The following LRFN1 variants were observed in gnomAD, a reference collection of about 807,000 sequenced individuals.
LRFN1 encodes leucine-rich repeat and fibronectin type III domain-containing protein 1.
Under a neutral mutation model 31.8 loss-of-function variants are expected in LRFN1, and 20 were observed. The observed-to-expected ratio is 0.63, with a 90% CI of 0.44 to 0.91. LRFN1 has a LOEUF of 0.91. Ranked by LOEUF, LRFN1 falls within the 40% of genes least tolerant of loss-of-function variation. The pLI is 0.00. For missense variants in LRFN1, 912 were observed against 1,129.8 expected, an observed-to-expected ratio of 0.81 and a Z score of 2.76; for synonymous variants, 514 against 541.3, an observed-to-expected ratio of 0.95 and a Z score of 0.70.
intron 4 of LRFN1, among the ~76,000 whole-genome samples, chr19:39,310,603 C>T (rs1358486375): frequency 6.6e-6 from 1 of 152,180 alleles, no homozygotes; most frequent in East Asian, 1.9e-4. Context: ...CATTGATTGG[C>T]ATGGCCAGGA....
In LRFN1 at chr19:39,315,349, A is replaced by G; in HGVS notation, c.-13T>C. The stretch of plus-strand genomic sequence containing the variant: ...GTCCTGGAGCCATGGTGCAGTGGGA[A>G]GGCAGGAGGGGTGGGAGGTGAGACC... On this transcript the variant is annotated 5_prime_UTR_variant, in exon 4 of 5. Transcript: ENST00000248668. The surrounding 1 kb of genome is among the most constrained non-coding windows in gnomAD (Gnocchi z 4.7). 1 of 1,443,322 alleles carries G rather than the reference A, an allele frequency of 6.9e-7. No individual in the cohort carries two copies. Among genetic ancestry groups the G allele is most frequent in the Non-Finnish European group, 9.1e-7 (1 of 1,101,426 alleles). 89.4% of individuals were successfully genotyped at this position (1,443,322 alleles called of 1,614,324 possible). A position where few individuals can be genotyped will look rare whatever the true frequency, so the allele number is the denominator to read the frequency against.
intron 2 of LRFN1, 112 bp downstream of exon 2, chr19:39,318,214 T>A (rs1002210406): frequency 6.6e-6 from 1 of 152,348 alleles, no homozygotes; most frequent in African/African-American, 2.4e-5. Context: ...GAAACTGTCA[T>A]CCCCTGAACT....
At position 39,309,490 on chromosome 19, in the gene LRFN1, A is replaced by C. The variant is rs1052492723; in HGVS notation, c.1407-948T>G. Reference sequence around the variant, plus strand: ...AAAACAAACAAACCAAAAAAAAAAAAAAAAAAAAAAAAAAAAACCATCTAG... The same window carrying C: ...AAAACAAACAAACCAAAAAAAAAAACAAAAAAAAAAAAAAAAACCATCTAG... On this transcript the variant is annotated intron_variant, in intron 4 of 4. Coordinates refer to ENST00000248668, the MANE Select transcript of LRFN1 (RefSeq NM_020862.2). 1.1e-3 allele frequency among the ~76,000 whole-genome samples: 154 copies of C among 137,312 alleles called. 4 individuals are homozygous for C. The highest frequency in any genetic ancestry group is 3.8e-3 in the African/African-American group (147 of 38,306). The allele number at this position is 137,312 out of a possible 152,430, so 90.1% of individuals were successfully genotyped here. A position where few individuals can be genotyped will look rare whatever the true frequency, so the allele number is the denominator to read the frequency against.
Position 39,315,891 on chromosome 19 carries a change from C to T in LRFN1, c.-38+191G>A, listed in dbSNP as rs1368933992. ...CCCCTGTCCCTACTTGCGTGTCCCACCCTCACCTCTGCCCCTCCTGTAGTA... is the reference window on the plus strand; with the variant it reads ...CCCCTGTCCCTACTTGCGTGTCCCATCCTCACCTCTGCCCCTCCTGTAGTA... On this transcript the variant is annotated intron_variant, in intron 3 of 4. Transcript: ENST00000248668. The surrounding 1 kb of genome is among the most constrained non-coding windows in gnomAD (Gnocchi z 4.7). Among the ~76,000 whole-genome samples the T allele has an allele frequency of 6.6e-6, 1 of 152,182 alleles. No individual in the cohort carries two copies. Among genetic ancestry groups the T allele is most frequent in the South Asian group, 2.1e-4 (1 of 4,830 alleles).
In LRFN1 at chr19:39,314,445, G is replaced by C. The variant is rs1490527150; in HGVS notation, c.892C>G (p.Pro298Ala). Residue 298 changes from proline (P) to alanine (A), a missense_variant, in exon 4 of 5, where the codon CCC becomes GCC. Transcript: ENST00000248668. Reference protein sequence around the residue: ...SIPEEEFLCEPPLITRQAGGR... With the variant: ...SIPEEEFLCEAPLITRQAGGR... ...CCCGCCTGCCGTGTGATCAGCGGGGGCTCACACAGGAACTCCTCCTCGGGG... is the reference window on the plus strand; with the variant it reads ...CCCGCCTGCCGTGTGATCAGCGGGGCCTCACACAGGAACTCCTCCTCGGGG... 2 of 1,609,376 alleles carry C rather than the reference G, an allele frequency of 1.2e-6. No individual in the cohort carries two copies. The highest frequency in any genetic ancestry group is 1.7e-6 in the Non-Finnish European group (2 of 1,178,920).
At position 39,315,689 on chromosome 19, in the gene LRFN1, G is replaced by C. The variant is rs574012116; in HGVS notation, c.-37-316C>G. Among the ~76,000 whole-genome samples the C allele has an allele frequency of 7.6e-4, 115 of 152,100 alleles. No homozygotes were observed. Among genetic ancestry groups the C allele is most frequent in the African/African-American group, 2.5e-3 (102 of 41,476 alleles). On this transcript the variant is annotated intron_variant, in intron 3 of 4. Coordinates refer to ENST00000248668, the MANE Select transcript of LRFN1 (RefSeq NM_020862.2). The surrounding 1 kb of genome is among the most constrained non-coding windows in gnomAD (Gnocchi z 4.7). The stretch of plus-strand genomic sequence containing the variant: ...CAAAAATTAGCTGGGCATGGTGGTG[G>C]GCGCCTGTAATCCCAGCTACTTGGG...
At chr19:39,309,478 C>CA (rs71169583) in intron 4 of LRFN1, among the ~76,000 whole-genome samples, 1,326 of 31,918 alleles carry the variant, frequency 0.042, 21 homozygotes, top group Non-Finnish European at 0.055. Context: ...ACAAACAAAC[C>CA]AAAAAAAAAA....
chr19:39,319,857 G>A (rs1399149547), intron 1 of LRFN1, among the ~76,000 whole-genome samples: 1 of 152,184 alleles, frequency 6.6e-6, no homozygotes, highest in Non-Finnish European at 1.5e-5. Context: ...GGATTTGGGG[G>A]TTTGAGTCCT....
Position 39,308,468 on chromosome 19 carries a change from A to G in LRFN1, c.1481T>C (p.Leu494Pro). Residue 494 changes from leucine (L) to proline (P), a missense_variant, in exon 5 of 5, where the codon CTG (leucine) becomes CCG (proline). Physicochemically the swap from Leu to Pro is moderately conservative, Grantham distance 98 (BLOSUM62 -3). Coordinates refer to ENST00000248668, the MANE Select transcript of LRFN1 (RefSeq NM_020862.2). This position sits in a 1 kb window ranked among gnomAD's most constrained non-coding sequence, Gnocchi z 6.2. Reference sequence around the variant, plus strand: ...TGTGGCCCCGTCGTCGTAGACCGCCAGCACGCACAAGTCGTAGGCACGGCC... The same window carrying G: ...TGTGGCCCCGTCGTCGTAGACCGCCGGCACGCACAAGTCGTAGGCACGGCC... ...AAGRAYDLCV[L>P]AVYDDGATAL... 1.2e-6 allele frequency: 2 copies of G among 1,607,852 alleles called. No individual in the cohort carries two copies. The highest frequency in any genetic ancestry group is 1.7e-6 in the Non-Finnish European group (2 of 1,179,614).
chr19:39,307,626 C>T lies in LRFN1; in HGVS notation c.*7G>A. ...GGCACCCAGGCGTCCCGGCGCCCGC[C>T]CGCCGCTCACACGGTACTCTCCAGC... On this transcript the variant is annotated 3_prime_UTR_variant, in exon 5 of 5. Coordinates refer to ENST00000248668, the MANE Select transcript of LRFN1 (RefSeq NM_020862.2). This position sits in a 1 kb window ranked among gnomAD's most constrained non-coding sequence, Gnocchi z 6.7. The T allele has an allele frequency of 7.2e-7, 1 of 1,391,346 alleles. No homozygotes were observed. The highest frequency in any genetic ancestry group is 1.6e-5 in the South Asian group (1 of 62,652). The allele number at this position is 1,391,346 out of a possible 1,614,324, so 86.2% of individuals were successfully genotyped here. A position where few individuals can be genotyped will look rare whatever the true frequency, so the allele number is the denominator to read the frequency against.
chr19:39,307,285 C>T lies in LRFN1; in HGVS notation c.*348G>A, dbSNP rs1374004803. On this transcript the variant is annotated 3_prime_UTR_variant, in exon 5 of 5. Coordinates refer to ENST00000248668, the MANE Select transcript of LRFN1 (RefSeq NM_020862.2). The surrounding 1 kb of genome is among the most constrained non-coding windows in gnomAD (Gnocchi z 6.7). ...GGGTGACGGGCTGGGGGAGGGGGCTCGTGTCTCAGTGCTGCAGTGTCAGGG... is the reference window on the plus strand; with the variant it reads ...GGGTGACGGGCTGGGGGAGGGGGCTTGTGTCTCAGTGCTGCAGTGTCAGGG... 7.5e-6 allele frequency: 3 copies of T among 398,440 alleles called. No individual in the cohort carries two copies. Among genetic ancestry groups the T allele is most frequent in the Non-Finnish European group, 1.3e-5 (3 of 225,998 alleles). The allele number at this position is 398,440 out of a possible 1,614,324, so 24.7% of individuals were successfully genotyped here.
rs2075134073 is a variant in LRFN1 at position 39,307,703 on chromosome 19, A to G, written c.2246T>C (p.Leu749Pro). 6.6e-7 allele frequency: 1 copy of G among 1,514,276 alleles called. No homozygotes were observed. Among genetic ancestry groups the G allele is most frequent in the Non-Finnish European group, 8.8e-7 (1 of 1,141,340 alleles). 93.8% of individuals were successfully genotyped at this position (1,514,276 alleles called of 1,614,324 possible). A position where few individuals can be genotyped will look rare whatever the true frequency, so the allele number is the denominator to read the frequency against. The change falls in exon 5 of 5, where the codon CTG becomes CCG. Residue 749 changes from leucine to proline, a missense_variant. Physicochemically the swap from Leu to Pro is moderately conservative, Grantham distance 98. Coordinates refer to ENST00000248668, the MANE Select transcript of LRFN1 (RefSeq NM_020862.2). This position sits in a 1 kb window ranked among gnomAD's most constrained non-coding sequence, Gnocchi z 6.7. ...GCACGCCCTGGCGGAGCCCAGCCCC[A>G]GGTCTCCATCCTCCCCGGCCGCGCC... ...GGGAAGEDGDLGLGSARACLA... is the reference protein window; with the variant it reads ...GGGAAGEDGDPGLGSARACLA...
At position 39,308,606 on chromosome 19, in the gene LRFN1, C is replaced by T. The variant is rs2075139609; in HGVS notation, c.1407-64G>A. ...CCGAACCACGCCCCTTCGCTTTATG[C>T]CCCGCCCATGGTGAACAGTGGGGAC... On this transcript the variant is annotated intron_variant, in intron 4 of 4. Transcript: ENST00000248668. The surrounding 1 kb of genome is among the most constrained non-coding windows in gnomAD (Gnocchi z 6.2). The T allele has an allele frequency of 1.4e-6, 2 of 1,406,804 alleles. No individual in the cohort carries two copies. Among genetic ancestry groups the T allele is most frequent in the South Asian group, 1.4e-5 (1 of 71,640 alleles). 87.1% of individuals were successfully genotyped at this position (1,406,804 alleles called of 1,614,324 possible).
Position 39,308,304 on chromosome 19 carries a change from G to A in LRFN1, c.1645C>T (p.Leu549Phe). 1 of 1,613,332 alleles carries A rather than the reference G, an allele frequency of 6.2e-7. No homozygotes were observed. ...ATCATGAGCAGAACGATGAAGACGA[G>A]GACCGAGGCGACGATGACGCCCCCG... ...AIGGVIVASV[L>F]VFIVLLMIRY... The change falls in exon 5 of 5, where the codon CTC becomes TTC. Residue 549 changes from leucine to phenylalanine, a missense_variant. Physicochemically the swap from Leu to Phe is conservative, Grantham distance 22 (BLOSUM62 0). This residue lies in a region of LRFN1 where 511 missense variants were observed against 557.0 expected (regional missense o/e 0.92). Transcript: ENST00000248668. This position sits in a 1 kb window ranked among gnomAD's most constrained non-coding sequence, Gnocchi z 6.2.
chr19:39,312,897 A>G (rs1404314628), intron 4 of LRFN1, among the ~76,000 whole-genome samples: 2 of 151,784 alleles, frequency 1.3e-5, no homozygotes, highest in Non-Finnish European at 2.9e-5. Context: ...ACCACGACCT[A>G]CTGGGCTATA....
Position 39,307,432 on chromosome 19 carries a change from G to T in LRFN1, c.*201C>A. ...CATAGGGGAAGGGAGGCCGGCAGCC[G>T]GTCCCCGAACCCCGCCCTGGGCACG... On this transcript the variant is annotated 3_prime_UTR_variant, in exon 5 of 5. Transcript: ENST00000248668. The surrounding 1 kb of genome is among the most constrained non-coding windows in gnomAD (Gnocchi z 6.7). The T allele has an allele frequency of 4.1e-6, 2 of 484,868 alleles. No individual in the cohort carries two copies. The highest frequency in any genetic ancestry group is 6.8e-6 in the Non-Finnish European group (2 of 295,064). The allele number at this position is 484,868 out of a possible 1,614,324, so 30.0% of individuals were successfully genotyped here.
chr19:39,308,565 GGC>G lies in LRFN1; in HGVS notation c.1407-25_1407-24del. On this transcript the variant is annotated intron_variant, in intron 4 of 4. Coordinates refer to ENST00000248668, the MANE Select transcript of LRFN1 (RefSeq NM_020862.2). This position sits in a 1 kb window ranked among gnomAD's most constrained non-coding sequence, Gnocchi z 6.2. ...ATCCTGTAGGAGGGGGCGGGTTCAGGGCGGGGTTAGTCCCCCCGAACCACGCC... is the reference window on the plus strand; with the variant it reads ...ATCCTGTAGGAGGGGGCGGGTTCAGGGGGGTTAGTCCCCCCGAACCACGCC... 6.5e-7 allele frequency: 1 copy of G among 1,540,098 alleles called. No individual in the cohort carries two copies. The highest frequency in any genetic ancestry group is 8.8e-7 in the Non-Finnish European group (1 of 1,141,012).
chr19:39,314,090 C>T lies in LRFN1; in HGVS notation c.1247G>A (p.Arg416Lys), dbSNP rs752608749. ...AGCCGCAGAATCGTTGGCACCTGGT[C>T]TGCCCGGCGTGGCGATGTCAGAGGA... Reference protein sequence around the residue: ...PGSSDIATPGRPGANDSAAER... With the variant: ...PGSSDIATPGKPGANDSAAER... Residue 416 changes from arginine (R) to lysine (K), a missense_variant, in exon 4 of 5, where the codon AGA (arginine) becomes AAA (lysine). Transcript: ENST00000248668. The T allele has an allele frequency of 1.9e-6, 3 of 1,612,566 alleles. No individual in the cohort carries two copies. The highest frequency in any genetic ancestry group is 2.5e-6 in the Non-Finnish European group (3 of 1,179,578).
intron 2 of LRFN1, 45 bp downstream of exon 2, chr19:39,318,281 A>T (rs934619125): frequency 2.6e-5 from 4 of 151,200 alleles, no homozygotes; most frequent in Non-Finnish European, 5.9e-5. Flanking sequence ...AAGCCCCATC[A>T]CCCCCCATGT....
Sources: gnomAD v4.1 joint callset for allele counts (sites outside exome capture counted in the v4.1 genomes callset) on GRCh38, gnomAD v4.1.1 for gene constraint, gnomAD v4.1.1 regional missense constraint, Gnocchi (gnomAD v3.1) non-coding constraint, MANE v1.5 for transcripts, NCBI Gene and HGNC (gene_info 2026-07-23, HGNC 2026-07-21) for gene names.